NXPE2: variants seen among roughly 807,000 people sequenced by gnomAD.
The protein encoded by NXPE2 is neurexophilin and PC-esterase domain family member 2.
In NXPE2, 34 loss-of-function variants were observed where a neutral mutation model predicts 34.4. The observed-to-expected ratio is 0.99, with a 90% CI of 0.75 to 1.31. NXPE2 has a LOEUF of 1.31. NXPE2 is among the 40% of genes most tolerant of loss of function. NXPE2 has a pLI of 0.00. For missense variants in NXPE2, 649 were observed against 672.5 expected, an observed-to-expected ratio of 0.97 and a Z score of 0.39; for synonymous variants, 235 against 231.3, an observed-to-expected ratio of 1.02 and a Z score of -0.15.
At chr11:114,626,465 C>T in the NXPE2 span, among the ~76,000 whole-genome samples, 2 of 152,104 alleles carry the variant, frequency 1.3e-5, no homozygotes, top group Non-Finnish European at 2.9e-5. Flanking sequence ...AGCTGACGGT[C>T]CTGTCTGTTA....
chr11:114,742,681 C>G, the NXPE2 span, among the ~76,000 whole-genome samples: 1 of 142,696 alleles, frequency 7.0e-6, no homozygotes, highest in Admixed American at 7.1e-5. Context: ...TCTCATACTT[C>G]CATGATGGTA....
chr11:114,797,687 T>TAAATGAATTCCATGA, the NXPE2 span, among the ~76,000 whole-genome samples: 4 of 152,190 alleles, frequency 2.6e-5, no homozygotes, highest in African/African-American at 9.7e-5. Context: ...GTGCCAGAGC[T>TAAATGAATTCCATGA]AAATGAATTC....
rs777416066 is a variant in NXPE2, at chr11:114,698,042, C to T, written c.133-3C>T. 1.0e-5 allele frequency: 15 copies of T among 1,477,128 alleles called. No individual in the cohort carries two copies. The highest frequency in any genetic ancestry group is 1.4e-5 in the African/African-American group (1 of 70,688). The allele number at this position is 1,477,128 out of a possible 1,614,324, so 91.5% of individuals were successfully genotyped here. On this transcript the variant is annotated splice_polypyrimidine_tract_variant and splice_region_variant and intron_variant, in intron 2 of 5. Coordinates refer to ENST00000389586, the MANE Select transcript of NXPE2 (RefSeq NM_182495.6). ...TATTTTCTTTTCCCTTTCAATATTTCAGTTCTCGTTCAACTTGGAAAACCA... is the reference window on the plus strand; with the variant it reads ...TATTTTCTTTTCCCTTTCAATATTTTAGTTCTCGTTCAACTTGGAAAACCA...
chr11:114,805,371 A>G, the NXPE2 span, among the ~76,000 whole-genome samples: 1 of 152,146 alleles, frequency 6.6e-6, no homozygotes, highest in Admixed American at 6.5e-5. Flanking sequence ...ACCATGCACG[A>G]GCCGAAGCAG....
chr11:114,592,514 A>AACACACAC, the NXPE2 span, among the ~76,000 whole-genome samples: 6 of 151,084 alleles, frequency 4.0e-5, no homozygotes, highest in African/African-American at 1.5e-4. Flanking sequence ...GAAATTGGAG[A>AACACACAC]ACACACACAC....
chr11:114,470,734 A>G, the NXPE2 span, among the ~76,000 whole-genome samples: 5 of 152,064 alleles, frequency 3.3e-5, no homozygotes, highest in Non-Finnish European at 5.9e-5. Flanking sequence ...GAGATGATGC[A>G]GTCTCAAGTC....
chr11:114,582,899 C>G, the NXPE2 span: 1 of 1,614,124 alleles, frequency 6.2e-7, no homozygotes, highest in Non-Finnish European at 8.5e-7. Flanking sequence ...CTATGATTTC[C>G]TTTATTCTGA....
chr11:114,726,099 A>G, the NXPE2 span, among the ~76,000 whole-genome samples: 1 of 151,030 alleles, frequency 6.6e-6, no homozygotes, highest in Non-Finnish European at 1.5e-5. Context: ...AAAATGCTTT[A>G]TTTTACCTCA....
the NXPE2 span, chr11:114,580,479 C>CT: frequency 1.5e-6 from 1 of 652,046 alleles, no homozygotes; most frequent in Non-Finnish European, 2.6e-6. Flanking sequence ...GAAGTATTCT[C>CT]TTAATGGAAC....
At chr11:114,659,439 A>G in the NXPE2 span, among the ~76,000 whole-genome samples, 2 of 152,026 alleles carry the variant, frequency 1.3e-5, no homozygotes, top group African/African-American at 4.8e-5. Flanking sequence ...TAAACAAAAA[A>G]AAGAGAAAAA....
chr11:114,673,587 A>G (rs888891607), upstream of NXPE2, among the ~76,000 whole-genome samples: 1 of 151,780 alleles, frequency 6.6e-6, no homozygotes, highest in Admixed American at 6.6e-5. Context: ...AGAATAACTC[A>G]GAATAAAAGA....
the NXPE2 span, among the ~76,000 whole-genome samples, chr11:114,793,262 A>G: frequency 0.12 from 17,520 of 152,126 alleles, 1,107 homozygotes; most frequent in Admixed American, 0.19. Flanking sequence ...GGTACCTTGG[A>G]TAGGGCCCCA....
At chr11:114,603,547 C>T in the NXPE2 span, among the ~76,000 whole-genome samples, 2 of 149,704 alleles carry the variant, frequency 1.3e-5, no homozygotes, top group African/African-American at 4.9e-5. Context: ...ACTCCTGTAA[C>T]TTGGTGGATG....
the NXPE2 span, among the ~76,000 whole-genome samples, chr11:114,756,430 A>T: frequency 1.3e-5 from 2 of 152,332 alleles, no homozygotes; most frequent in South Asian, 4.1e-4. Flanking sequence ...CCTTGTTTTC[A>T]TTCTACAATA....
chr11:114,777,594 G>T, the NXPE2 span, among the ~76,000 whole-genome samples: 2 of 152,242 alleles, frequency 1.3e-5, no homozygotes, highest in South Asian at 2.1e-4. Context: ...GGAGGGCTGG[G>T]TCCATAGAGT....
chr11:114,675,128 T>A (rs568896982), upstream of NXPE2, among the ~76,000 whole-genome samples: 6 of 151,704 alleles, frequency 4.0e-5, no homozygotes, highest in African/African-American at 1.4e-4. Context: ...CTCTAAAAAA[T>A]TGAGTATAGA....
chr11:114,623,235 A>C, the NXPE2 span, among the ~76,000 whole-genome samples: 1 of 151,996 alleles, frequency 6.6e-6, no homozygotes, highest in Non-Finnish European at 1.5e-5. Flanking sequence ...CCTCTAGCAT[A>C]ACCACTGTTT....
the NXPE2 span, among the ~76,000 whole-genome samples, chr11:114,517,677 C>A: frequency 6.6e-6 from 1 of 152,184 alleles, no homozygotes; most frequent in African/African-American, 2.4e-5. Flanking sequence ...GGGATCACAG[C>A]TGTGCATCTC....
the NXPE2 span, among the ~76,000 whole-genome samples, chr11:114,616,427 TAA>T: frequency 1.3e-5 from 2 of 151,756 alleles, no homozygotes; most frequent in South Asian, 2.1e-4. Context: ...TGGTGAATAA[TAA>T]GTGTTGCCTC....
Sources: gnomAD v4.1 joint callset for allele counts (sites outside exome capture counted in the v4.1 genomes callset) on GRCh38, gnomAD v4.1.1 for gene constraint, MANE v1.5 for transcripts, NCBI Gene and HGNC (gene_info 2026-07-23, HGNC 2026-07-21) for gene names.